The following IQCE variants were observed in gnomAD, a reference collection of about 807,000 sequenced individuals.
The protein encoded by IQCE is IQ domain-containing protein E.
Under a neutral mutation model 96.0 loss-of-function variants are expected in IQCE, and 115 were observed. That is an observed-to-expected ratio of 1.20 (90% confidence interval 1.03 to 1.40). The LOEUF (loss-of-function observed/expected upper bound fraction) is 1.40. Ranked by LOEUF, IQCE falls within the 40% of genes most tolerant of loss-of-function variation. IQCE has a pLI of 0.00. For missense variants in IQCE, 1,041 were observed against 909.1 expected, an observed-to-expected ratio of 1.15 and a Z score of -1.87; for synonymous variants, 412 against 371.2, an observed-to-expected ratio of 1.11 and a Z score of -1.26.
rs1784894694 is a variant in IQCE, at chr7:2,607,161, A to C, written c.1903A>C (p.Arg635=). Residue 635 remains arginine (R), a synonymous_variant, in exon 21 of 22, where the codon AGG becomes CGG. Transcript: ENST00000402050. ...AAGAACCACCACCGCAGCTTCTACC[A>C]GGAGGAGATCGGCTTCAGCCACACA... ...GKRTTTAAST[R]RRSASATHGD... 2 of 1,611,898 alleles carry C rather than the reference A, an allele frequency of 1.2e-6. No individual in the cohort carries two copies. The highest frequency in any genetic ancestry group is 1.7e-6 in the Non-Finnish European group (2 of 1,179,266).
intron 9 of IQCE, 31 bp downstream of exon 9, chr7:2,582,681 C>T (rs1182249455): frequency 4.4e-6 from 7 of 1,593,990 alleles, no homozygotes; most frequent in Non-Finnish European, 5.2e-6. Context: ...TCTCCCCTGC[C>T]TTCCGCCCCG....
chr7:2,563,937 C>G (rs1228311066), intron 1 of IQCE, among the ~76,000 whole-genome samples: 1 of 148,200 alleles, frequency 6.7e-6, no homozygotes, highest in Admixed American at 6.8e-5. Context: ...CAGCCGGGCA[C>G]AGTGGTTCAC....
chr7:2,592,807 C>A (rs1286418210), intron 14 of IQCE, among the ~76,000 whole-genome samples: 4 of 152,222 alleles, frequency 2.6e-5, no homozygotes, highest in Non-Finnish European at 5.9e-5. Flanking sequence ...CGGTTGATCC[C>A]CTGCACACAG....
chr7:2,609,206 G>A (rs1785003037), intron 21 of IQCE, among the ~76,000 whole-genome samples: 1 of 152,092 alleles, frequency 6.6e-6, no homozygotes, highest in Non-Finnish European at 1.5e-5. Context: ...TTAGGAAGGA[G>A]CATCCAAGGG....
chr7:2,581,711 CT>C (rs1554308080), intron 8 of IQCE, among the ~76,000 whole-genome samples: 4,575 of 140,118 alleles, frequency 0.033, 222 homozygotes, highest in African/African-American at 0.11. Flanking sequence ...AAAGAATGTT[CT>C]TTTTTTTTTT....
chr7:2,601,551 C>G, intron 18 of IQCE, 87 bp downstream of exon 18: 1 of 992,190 alleles, frequency 1.0e-6, no homozygotes, highest in Non-Finnish European at 1.6e-6. Context: ...TGTGTTGATT[C>G]CTTTTCTTTT....
chr7:2,570,379 A>G (rs1433902838), intron 3 of IQCE, among the ~76,000 whole-genome samples: 1 of 151,848 alleles, frequency 6.6e-6, no homozygotes, highest in Non-Finnish European at 1.5e-5. Context: ...TGTAATGTGT[A>G]GGGCTTTTTT....
Position 2,601,986 on chromosome 7 carries a change from A to G in IQCE, c.1632+522A>G, listed in dbSNP as rs1784465804. ...ATTCATTCCTTCCTTCCATTCATTCATTCTTTTCATGCACACTCACTGATC... is the reference window on the plus strand; with the variant it reads ...ATTCATTCCTTCCTTCCATTCATTCGTTCTTTTCATGCACACTCACTGATC... On this transcript the variant is annotated intron_variant, in intron 18 of 21. Transcript: ENST00000402050. 2.4e-5 allele frequency: 4 copies of G among 164,814 alleles called. No individual in the cohort carries two copies. In the Admixed American group the frequency reaches 2.6e-4, roughly 11 times the overall value. 10.2% of individuals were successfully genotyped at this position (164,814 alleles called of 1,614,324 possible).
At chr7:2,607,960 G>C (rs1038712543) in intron 21 of IQCE, among the ~76,000 whole-genome samples, 1 of 152,204 alleles carries the variant, frequency 6.6e-6, no homozygotes, top group African/African-American at 2.4e-5. Context: ...TTTCACGTGG[G>C]AAGTGTCAGG....
chr7:2,559,267 G>T, intron 1 of IQCE, 50 bp downstream of exon 1: 2 of 1,149,092 alleles, frequency 1.7e-6, no homozygotes, highest in Non-Finnish European at 2.2e-6. Flanking sequence ...CGAGGCCTCG[G>T]CTCGTCTCCG....
chr7:2,612,084 A>G lies in IQCE; in HGVS notation c.*1922A>G, dbSNP rs1197394811. On this transcript the variant is annotated 3_prime_UTR_variant, in exon 22 of 22. Transcript: ENST00000402050. ...CCGTTCTCTTGTGGCAGCTGCTCCCACTTGTTAAACCAAGCTGTTTCTGCG... is the reference window on the plus strand; with the variant it reads ...CCGTTCTCTTGTGGCAGCTGCTCCCGCTTGTTAAACCAAGCTGTTTCTGCG... 6.6e-6 allele frequency: 1 copy of G among 152,248 alleles called. No individual in the cohort carries two copies. The highest frequency in any genetic ancestry group is 1.9e-4 in the East Asian group (1 of 5,160). The allele number at this position is 152,248 out of a possible 1,614,324, so 9.4% of individuals were successfully genotyped here.
chr7:2,569,913 G>C (rs1487439682), intron 3 of IQCE, among the ~76,000 whole-genome samples: 1 of 152,170 alleles, frequency 6.6e-6, no homozygotes, highest in Non-Finnish European at 1.5e-5. Flanking sequence ...AAATCACCTA[G>C]CAATTTGGAT....
At chr7:2,596,295 A>G (rs1784033684) in intron 16 of IQCE, among the ~76,000 whole-genome samples, 1 of 152,052 alleles carries the variant, frequency 6.6e-6, no homozygotes, top group Non-Finnish European at 1.5e-5. Context: ...AAGAGAAAAG[A>G]AAAAGGTCTG....
rs754434895 is a variant in IQCE, at chr7:2,594,973, T to C, written c.1437T>C (p.His479=). ...AAGAGGATTGCCCGGAAGTTCCTCA[T>C]AAGGTACAGTGACCATTCAGTTGAG... is the stretch of plus-strand genomic sequence containing the variant. The part of the protein sequence containing the change: ...EEKEDCPEVP[H]KAQELPAPTP... The change falls in exon 16 of 22, where the codon CAT becomes CAC. Residue 479 remains histidine (H), a synonymous_variant. Transcript: ENST00000402050. The C allele has an allele frequency of 1.2e-6, 2 of 1,605,288 alleles. No individual in the cohort carries two copies. The highest frequency in any genetic ancestry group is 8.5e-7 in the Non-Finnish European group (1 of 1,172,130).
chr7:2,572,395 G>A, intron 5 of IQCE, 69 bp downstream of exon 5: 1 of 1,512,556 alleles, frequency 6.6e-7, no homozygotes, highest in Non-Finnish European at 8.9e-7. Flanking sequence ...TCTCTGGGCT[G>A]GAGGCGTCCT....
At position 2,568,999 on chromosome 7, in the gene IQCE, A is replaced by G; in HGVS notation, c.130A>G (p.Lys44Glu). ...AFHKPPPTSP[K>E]SPYLSKPRKV... is the part of the protein sequence containing the mutation. ...CCACAAACCTCCACCCACATCGCCA[A>G]GTAAGTATGACGAGGCCTGCCTTCC... The change falls in exon 3 of 22, where the codon AAG becomes GAG. Residue 44 changes from lysine to glutamate, a missense_variant and splice_region_variant. Physicochemically the swap from Lys to Glu is moderately conservative, Grantham distance 56. Coordinates refer to ENST00000402050, the MANE Select transcript of IQCE (RefSeq NM_152558.5). 1 of 1,613,898 alleles carries G rather than the reference A, an allele frequency of 6.2e-7. No individual in the cohort carries two copies. Among genetic ancestry groups the G allele is most frequent in the Non-Finnish European group, 8.5e-7 (1 of 1,179,882 alleles).
chr7:2,590,008 A>C lies in IQCE; in HGVS notation c.1146A>C (p.Pro382=). The C allele has an allele frequency of 6.2e-7, 1 of 1,613,900 alleles. No homozygotes were observed. The highest frequency in any genetic ancestry group is 8.5e-7 in the Non-Finnish European group (1 of 1,180,006). ...LASSSALHRQ[P]RGDRNKDHER... ...CCAGCTCTGCGCTGCACAGACAGCC[A>C]CGAGGGGACCGCAACAAGGACCACG... is the stretch of plus-strand genomic sequence containing the variant. Residue 382 remains proline (P), a synonymous_variant, in exon 14 of 22, where the codon CCA becomes CCC. Transcript: ENST00000402050.
At chr7:2,601,151 C>T (rs1228867071) in intron 17 of IQCE, among the ~76,000 whole-genome samples, 1 of 152,248 alleles carries the variant, frequency 6.6e-6, no homozygotes, top group African/African-American at 2.4e-5. Flanking sequence ...GGAGTCCCTT[C>T]TGCACAGCCA....
At chr7:2,584,414 C>T in intron 11 of IQCE, 129 bp downstream of exon 11, 1 of 850,660 alleles carries the variant, frequency 1.2e-6, no homozygotes. Flanking sequence ...GCCAACACTG[C>T]ACCTGTTCTG....
Sources: allele counts gnomAD v4.1 joint callset (sites outside exome capture counted in the v4.1 genomes callset), GRCh38; gene constraint gnomAD v4.1.1; transcripts MANE v1.5; gene names NCBI Gene and HGNC (gene_info 2026-07-23, HGNC 2026-07-21).